The following THSD7A variants were observed in gnomAD, a reference collection of about 807,000 sequenced individuals.
THSD7A encodes thrombospondin type 1 domain containing 7A, also known as thrombospondin type-1 domain-containing protein 7A.
A neutral mutation model predicts 231.3 loss-of-function variants in THSD7A; 96 were observed. The ratio of observed to expected loss-of-function variants is 0.41; its 90% CI spans 0.35 to 0.49. THSD7A has a LOEUF of 0.49. THSD7A is among the 20% of genes least tolerant of loss of function. THSD7A has a pLI of 0.05. For missense variants in THSD7A, 2,290 were observed against 2,070.2 expected, an observed-to-expected ratio of 1.11 and a Z score of -2.06; for synonymous variants, 940 against 743.3, an observed-to-expected ratio of 1.26 and a Z score of -4.30.
At chr7:11,827,915 C>A (rs546146492) in intron 1 of THSD7A, among the ~76,000 whole-genome samples, 1 of 152,142 alleles carries the variant, frequency 6.6e-6, no homozygotes. Flanking sequence ...ACCTTGATGG[C>A]ATTTTCCTAC....
intron 4 of THSD7A, among the ~76,000 whole-genome samples, chr7:11,549,317 T>C (rs1212774764): frequency 2.9e-5 from 4 of 138,486 alleles, no homozygotes. Flanking sequence ...ACAAATTACA[T>C]TTCACTGTTT....
chr7:11,452,087 C>T (rs1329579686), intron 11 of THSD7A, among the ~76,000 whole-genome samples: 2 of 152,006 alleles, frequency 1.3e-5, no homozygotes, highest in African/African-American at 2.4e-5. Flanking sequence ...TATTATTAAA[C>T]TGAACAATAT....
rs552257248 is a variant in THSD7A, at chr7:11,587,954, C to G, written c.1453+2506G>C. 2.0e-5 allele frequency among the ~76,000 whole-genome samples: 3 copies of G among 152,252 alleles called. No homozygotes were observed. In the South Asian group the frequency reaches 6.2e-4, roughly 32 times the overall value. On this transcript the variant is annotated intron_variant, in intron 4 of 27. Transcript: ENST00000423059. The stretch of plus-strand genomic sequence containing the variant: ...TTGGTTATATGTGAAAACAAGTCAT[C>G]TAGAGAACACATGGTGTGAAACTGC...
chr7:11,604,302 A>C (rs1184639502), intron 2 of THSD7A, among the ~76,000 whole-genome samples: 1 of 152,142 alleles, frequency 6.6e-6, no homozygotes, highest in Non-Finnish European at 1.5e-5. Context: ...GTGAGGTATT[A>C]TGATGAATAC....
chr7:11,381,326 TGA>T (rs1236720927), intron 24 of THSD7A, among the ~76,000 whole-genome samples: 1 of 152,162 alleles, frequency 6.6e-6, no homozygotes, highest in African/African-American at 2.4e-5. Flanking sequence ...AAGGGTTTCT[TGA>T]GAGAGCTTTC....
chr7:11,370,747 C>A lies in THSD7A; in HGVS notation c.*5047G>T, dbSNP rs1333423654. 1 of 151,980 alleles carries A rather than the reference C, an allele frequency of 6.6e-6. No individual in the cohort carries two copies. The highest frequency in any genetic ancestry group is 1.9e-4 in the East Asian group (1 of 5,202). The allele number at this position is 151,980 out of a possible 1,614,324, so 9.4% of individuals were successfully genotyped here. On this transcript the variant is annotated 3_prime_UTR_variant, in exon 28 of 28. Transcript: ENST00000423059. Reference sequence around the variant, plus strand: ...CAGGTAGTTAAATTAACATAAAATACACATTTAGGGAATAATAATTTATAG... The same window carrying A: ...CAGGTAGTTAAATTAACATAAAATAAACATTTAGGGAATAATAATTTATAG...
At chr7:11,393,264 CCAGCAGACCTG>C (rs1237234381) in intron 23 of THSD7A, among the ~76,000 whole-genome samples, 1 of 152,134 alleles carries the variant, frequency 6.6e-6, no homozygotes, top group Non-Finnish European at 1.5e-5. Context: ...GAGTGGACCT[CCAGCAGACCTG>C]CAGCAGAGGG....
Position 11,444,513 on chromosome 7 carries a change from A to C in THSD7A, c.3064+1548T>G, listed in dbSNP as rs984663715. ...AAACTAACACAAGAACAGAAAACCAAACTCTGCATGTTCTCACTCAAAAGT... is the reference window on the plus strand; with the variant it reads ...AAACTAACACAAGAACAGAAAACCACACTCTGCATGTTCTCACTCAAAAGT... On this transcript the variant is annotated intron_variant, in intron 13 of 27. Coordinates refer to ENST00000423059, the MANE Select transcript of THSD7A (RefSeq NM_015204.3). This position sits in a 1 kb window ranked among gnomAD's most constrained non-coding sequence, Gnocchi z 4.2. 6.6e-6 allele frequency among the ~76,000 whole-genome samples: 1 copy of C among 151,978 alleles called. No individual in the cohort carries two copies. The highest frequency in any genetic ancestry group is 1.5e-5 in the Non-Finnish European group (1 of 68,018).
At chr7:11,527,794 C>G (rs909366130) in intron 6 of THSD7A, among the ~76,000 whole-genome samples, 1 of 152,106 alleles carries the variant, frequency 6.6e-6, no homozygotes, top group East Asian at 1.9e-4. Flanking sequence ...ATCACTTAGA[C>G]CTCTTTTGGG....
intron 2 of THSD7A, among the ~76,000 whole-genome samples, chr7:11,594,562 G>A (rs1052767667): frequency 4.6e-5 from 7 of 152,104 alleles, no homozygotes; most frequent in Non-Finnish European, 1.5e-5. Flanking sequence ...GCTTGTGAAG[G>A]CAAGGAGTTT....
intron 1 of THSD7A, among the ~76,000 whole-genome samples, chr7:11,796,310 T>C (rs1784125109): frequency 6.7e-6 from 1 of 150,260 alleles, no homozygotes; most frequent in Non-Finnish European, 1.5e-5. Flanking sequence ...ATCCATTAAA[T>C]TTTAATATCT....
At position 11,768,989 on chromosome 7, in the gene THSD7A, A is replaced by T. The variant is rs1783118872; in HGVS notation, c.190+62768T>A. Among the ~76,000 whole-genome samples, 5 of 149,038 alleles carry T rather than the reference A, an allele frequency of 3.4e-5. No individual in the cohort carries two copies. In the Admixed American group the frequency reaches 3.4e-4, roughly 10 times the overall value. On this transcript the variant is annotated intron_variant, in intron 1 of 27. Transcript: ENST00000423059. ...TTTGATTTTTTTGAGATGGACTCTC[A>T]TTCTGTTGCCCAGGCTGGAGTGCAA...
chr7:11,631,904 CAT>C (rs1307507558), intron 2 of THSD7A, among the ~76,000 whole-genome samples: 1 of 152,140 alleles, frequency 6.6e-6, no homozygotes, highest in Non-Finnish European at 1.5e-5. Context: ...ATTTAACACT[CAT>C]AAGAGTTAGT....
At chr7:11,745,323 A>C (rs4506091) in intron 1 of THSD7A, among the ~76,000 whole-genome samples, 1 of 151,850 alleles carries the variant, frequency 6.6e-6, no homozygotes, top group South Asian at 2.1e-4. Flanking sequence ...GTTTGAGTTC[A>C]TTGTGGATTC....
chr7:11,662,647 C>G (rs752063316), intron 1 of THSD7A, among the ~76,000 whole-genome samples: 4 of 151,270 alleles, frequency 2.6e-5, no homozygotes, highest in Non-Finnish European at 4.4e-5. Flanking sequence ...AAACATTGAC[C>G]AAGATTGGTC....
intron 2 of THSD7A, among the ~76,000 whole-genome samples, chr7:11,595,355 G>A (rs1481176500): frequency 6.6e-6 from 1 of 152,068 alleles, no homozygotes; most frequent in Non-Finnish European, 1.5e-5. Flanking sequence ...AAGAGTGTGG[G>A]GTAATGGTGG....
At chr7:11,759,238 GTT>G (rs997336694) in intron 1 of THSD7A, among the ~76,000 whole-genome samples, 2 of 152,022 alleles carry the variant, frequency 1.3e-5, no homozygotes, top group African/African-American at 4.8e-5. Context: ...AGATTTATTT[GTT>G]TAAAAGAATA....
At chr7:11,797,040 A>G (rs956371391) in intron 1 of THSD7A, among the ~76,000 whole-genome samples, 2 of 152,154 alleles carry the variant, frequency 1.3e-5, no homozygotes, top group Admixed American at 6.5e-5. Context: ...AGATAACATT[A>G]TTTGGGGAAA....
rs887687687 is a variant in THSD7A, at chr7:11,502,190, T to C, written c.1823-20208A>G. On this transcript the variant is annotated intron_variant, in intron 6 of 27. Transcript: ENST00000423059. Reference sequence around the variant, plus strand: ...AGCCCAGGAGGACCTAAAAGATTCATAGGTGAATTCTACCAGATGTATAAA... The same window carrying C: ...AGCCCAGGAGGACCTAAAAGATTCACAGGTGAATTCTACCAGATGTATAAA... Among the ~76,000 whole-genome samples the C allele has an allele frequency of 2.6e-5, 4 of 152,242 alleles. No homozygotes were observed. In the East Asian group the frequency reaches 5.8e-4, roughly 22 times the overall value.
Sources: allele counts gnomAD v4.1 joint callset (sites outside exome capture counted in the v4.1 genomes callset), GRCh38; gene constraint gnomAD v4.1.1; non-coding constraint Gnocchi (gnomAD v3.1); transcripts MANE v1.5; gene names NCBI Gene and HGNC (gene_info 2026-07-23, HGNC 2026-07-21).